Variants in RAD21 observed in about 807,000 individuals in gnomAD.
RAD21 encodes the protein RAD21 cohesin complex component.
RAD21 carries 18 observed loss-of-function variants against 71.5 expected under a neutral mutation model. That is an observed-to-expected ratio of 0.25 (90% CI 0.17 to 0.37). RAD21 has a LOEUF of 0.37. Among genes scored for constraint, RAD21 ranks in the 10% least tolerant of loss-of-function variants. The pLI is 1.00. For missense variants in RAD21, 493 were observed against 769.1 expected (o/e 0.64, Z 4.25); for synonymous variants, 248 against 254.0 (o/e 0.98, Z 0.22).
At chr8:116,872,524 A>T (rs1286575782) in intron 1 of RAD21, among the ~76,000 whole-genome samples, 2 of 136,558 alleles carry the variant, frequency 1.5e-5, no homozygotes, top group African/African-American at 5.5e-5. Context: ...GTACTGTTTG[A>T]TATATATATA....
chr8:116,869,494 AG>A (rs1812766074), intron 1 of RAD21, among the ~76,000 whole-genome samples: 1 of 152,158 alleles, frequency 6.6e-6, no homozygotes, highest in Admixed American at 6.5e-5. Context: ...CTGAGGCAGG[AG>A]GATTGCTTGA....
chr8:116,863,248 T>C lies in RAD21; in HGVS notation c.156A>G (p.Ala52=), dbSNP rs1238663971. Residue 52 remains alanine, a synonymous_variant, in exon 3 of 14, where the codon GCA becomes GCG. Transcript: ENST00000297338. ...ESIISPKVKM[A]LRTSGHLLLG... is the part of the protein sequence containing the mutation. ...GTAAGAGATGTCCTGATGTCCGTAA[T>C]GCCATTTTCACCTATGAATAAAACA... The C allele has an allele frequency of 6.2e-7, 1 of 1,610,438 alleles. No homozygotes were observed. The highest frequency in any genetic ancestry group is 1.3e-5 in the African/African-American group (1 of 74,840).
intron 5 of RAD21, among the ~76,000 whole-genome samples, chr8:116,857,802 T>C (rs1293437200): frequency 6.7e-6 from 1 of 148,382 alleles, no homozygotes; most frequent in Non-Finnish European, 1.5e-5. Context: ...CCCGTTATAA[T>C]GTGTTTCATC....
chr8:116,873,422 C>G (rs1360608500), intron 1 of RAD21, among the ~76,000 whole-genome samples: 1 of 152,224 alleles, frequency 6.6e-6, no homozygotes, highest in Admixed American at 6.5e-5. Context: ...TATTTAATGA[C>G]TTCACGATTT....
intron 4 of RAD21, among the ~76,000 whole-genome samples, chr8:116,858,757 G>A (rs1321995961): frequency 6.6e-6 from 1 of 152,008 alleles, no homozygotes; most frequent in Non-Finnish European, 1.5e-5. Flanking sequence ...ATAGGCATGG[G>A]TTTTCATTAG....
chr8:116,857,078 A>G (rs1410946021), intron 6 of RAD21, among the ~76,000 whole-genome samples, 189 bp downstream of exon 6: 1 of 152,226 alleles, frequency 6.6e-6, no homozygotes, highest in Non-Finnish European at 1.5e-5. Context: ...TGAGATAAGC[A>G]TATTTAGGTT....
At chr8:116,852,367 A>C in intron 10 of RAD21, 182 bp downstream of exon 10, 1 of 729,504 alleles carries the variant, frequency 1.4e-6, no homozygotes, top group Non-Finnish European at 2.1e-6. Flanking sequence ...CTGAACCTTA[A>C]AACTCTGGAA....
chr8:116,849,055 C>G, intron 12 of RAD21, 26 bp from the exon 13 acceptor site: 1 of 1,526,068 alleles, frequency 6.6e-7, no homozygotes, highest in Non-Finnish European at 8.8e-7. Context: ...CCCCAAAAAG[C>G]TGACAAAACA....
rs574690704 is a variant in RAD21, at chr8:116,862,350, T to C, written c.275-410A>G. Among the ~76,000 whole-genome samples, 176 of 152,216 alleles carry C rather than the reference T, an allele frequency of 1.2e-3. 1 individual carries two copies. Among genetic ancestry groups the C allele is most frequent in the African/African-American group, 4.1e-3 (171 of 41,572 alleles). On this transcript the variant is annotated intron_variant, in intron 3 of 13. Coordinates refer to ENST00000297338, the MANE Select transcript of RAD21 (RefSeq NM_006265.3). ...TTTCCTATATTTTTCAAGTTGTCTATAATAAATATGCCTTACTTTGAAAGA... is the reference window on the plus strand; with the variant it reads ...TTTCCTATATTTTTCAAGTTGTCTACAATAAATATGCCTTACTTTGAAAGA...
chr8:116,846,937 G>GTA lies in RAD21; in HGVS notation c.*561_*562dup. The GTA allele has an allele frequency of 4.7e-6, 1 of 214,886 alleles. No homozygotes were observed. The highest frequency in any genetic ancestry group is 9.4e-6 in the Non-Finnish European group (1 of 106,514). The allele number at this position is 214,886 out of a possible 1,614,324, so 13.3% of individuals were successfully genotyped here. ...GCTATCAGTCATAACACAATTTCGC[G>GTA]TACACCTCTGCTCATTATGGAATTA... On this transcript the variant is annotated 3_prime_UTR_variant, in exon 14 of 14. Transcript: ENST00000297338.
At chr8:116,872,941 T>G (rs918853582) in intron 1 of RAD21, among the ~76,000 whole-genome samples, 1 of 152,246 alleles carries the variant, frequency 6.6e-6, no homozygotes, top group African/African-American at 2.4e-5. Context: ...TCAGTTGTTT[T>G]GTAACGGTGA....
chr8:116,847,395 A>T lies in RAD21; in HGVS notation c.*105T>A. 1.0e-6 allele frequency: 1 copy of T among 1,003,674 alleles called. No homozygotes were observed. Among genetic ancestry groups the T allele is most frequent in the South Asian group, 2.0e-5 (1 of 50,410 alleles). The allele number at this position is 1,003,674 out of a possible 1,614,324, so 62.2% of individuals were successfully genotyped here. A position where few individuals can be genotyped will look rare whatever the true frequency, so the allele number is the denominator to read the frequency against. On this transcript the variant is annotated 3_prime_UTR_variant, in exon 14 of 14. Transcript: ENST00000297338. ...AGAAGGAAAAAGGCAAAGACTTTGT[A>T]CAGACAAAAATCTAAGTTTTCTCAA...
chr8:116,856,584 G>T (rs534316791), intron 7 of RAD21, 62 bp downstream of exon 7: 12 of 1,486,266 alleles, frequency 8.1e-6, no homozygotes, highest in Middle Eastern at 1.8e-4. Context: ...CATCTTCTAT[G>T]GTAAGTATCT....
At position 116,847,074 on chromosome 8, in the gene RAD21, G is replaced by GTT; in HGVS notation, c.*424_*425dup. On this transcript the variant is annotated 3_prime_UTR_variant, in exon 14 of 14. Coordinates refer to ENST00000297338, the MANE Select transcript of RAD21 (RefSeq NM_006265.3). Reference sequence around the variant, plus strand: ...TACTGATGGAAAGAAGTGTTTGTTTGTTTTTTTTTCTTGTCAAAGACTTAC... The same window carrying GTT: ...TACTGATGGAAAGAAGTGTTTGTTTGTTTTTTTTTTTCTTGTCAAAGACTTAC... 8.9e-6 allele frequency: 2 copies of GTT among 224,536 alleles called. No homozygotes were observed. Among genetic ancestry groups the GTT allele is most frequent in the East Asian group, 1.3e-4 (2 of 15,198 alleles). The allele number at this position is 224,536 out of a possible 1,614,324, so 13.9% of individuals were successfully genotyped here.
chr8:116,852,562 C>T lies in RAD21; in HGVS notation c.1308G>A (p.Gln436=). ...AACAGAACAAACCGATAACATCACG[C>T]TGCTGATGCTGCTGTTGCTGGTCCT... is the stretch of plus-strand genomic sequence containing the variant. The part of the protein sequence containing the change: ...PREDQQQQHQ[Q]RDVIDEPIIE... The change falls in exon 10 of 14, where the codon CAG becomes CAA. Residue 436 remains glutamine, a synonymous_variant. Transcript: ENST00000297338. 11 of 1,612,110 alleles carry T rather than the reference C, an allele frequency of 6.8e-6. No individual in the cohort carries two copies. Among genetic ancestry groups the T allele is most frequent in the Non-Finnish European group, 9.3e-6 (11 of 1,179,188 alleles).
intron 9 of RAD21, among the ~76,000 whole-genome samples, chr8:116,853,731 A>G (rs1251140971): frequency 1.3e-5 from 2 of 152,204 alleles, no homozygotes; most frequent in Non-Finnish European, 2.9e-5. Flanking sequence ...CTTCAGACAG[A>G]ATAGTAGCCT....
intron 12 of RAD21, among the ~76,000 whole-genome samples, chr8:116,850,293 C>T (rs1812321048): frequency 6.6e-6 from 1 of 151,790 alleles, no homozygotes; most frequent in Non-Finnish European, 1.5e-5. Flanking sequence ...CAGAAGCAGA[C>T]AATAACAGCA....
chr8:116,852,238 T>C (rs1046911915), intron 10 of RAD21, 142 bp from the exon 11 acceptor site: 13 of 852,524 alleles, frequency 1.5e-5, no homozygotes, highest in African/African-American at 3.4e-5. Flanking sequence ...TTTAGCTCCA[T>C]AAAGATTTAC....
At chr8:116,859,047 A>G (rs547462288) in intron 4 of RAD21, among the ~76,000 whole-genome samples, 10 of 151,006 alleles carry the variant, frequency 6.6e-5, no homozygotes, top group African/African-American at 1.7e-4. Flanking sequence ...CCCATAAGCT[A>G]TATCAACCAG....
Sources: allele counts gnomAD v4.1 joint callset (sites outside exome capture counted in the v4.1 genomes callset), GRCh38; gene constraint gnomAD v4.1.1; transcripts MANE v1.5; gene names NCBI Gene and HGNC (gene_info 2026-07-23, HGNC 2026-07-21).